ZNF722: variants seen among roughly 807,000 people sequenced by gnomAD.
ZNF722 encodes the protein zinc finger protein 722, also known as zinc finger protein 479 pseudogene.
the ZNF722 span, among the ~76,000 whole-genome samples, chr7:64,004,428 A>ATATATATATATG: frequency 2.6e-3 from 164 of 64,254 alleles, 2 homozygotes; most frequent in Non-Finnish European, 3.8e-3. Flanking sequence ...AAAAAAAAAT[A>ATATATATATATG]TATATATATA....
chr7:64,017,391 CAAAA>C, the ZNF722 span, among the ~76,000 whole-genome samples: 1 of 151,578 alleles, frequency 6.6e-6, no homozygotes, highest in South Asian at 2.1e-4. Flanking sequence ...CTCAAAAAAA[CAAAA>C]AAGGCATTAT....
At chr7:63,998,853 T>C in the ZNF722 span, 19 of 1,284,864 alleles carry the variant, frequency 1.5e-5, no homozygotes, top group Admixed American at 4.0e-4. Context: ...CGGGTCCTTT[T>C]GTGCTTCTCT....
At chr7:63,999,654 G>A in the ZNF722 span, among the ~76,000 whole-genome samples, 1 of 152,086 alleles carries the variant, frequency 6.6e-6, no homozygotes, top group Non-Finnish European at 1.5e-5. Context: ...TGGTTGACTA[G>A]GCCTGAATTT....
the ZNF722 span, among the ~76,000 whole-genome samples, chr7:64,001,862 C>T: frequency 3.3e-3 from 497 of 151,936 alleles, 1 homozygote; most frequent in African/African-American, 0.011. Flanking sequence ...TACATAGAAT[C>T]AACTTCTGGT....
At chr7:64,016,514 A>T in the ZNF722 span, among the ~76,000 whole-genome samples, 3 of 152,224 alleles carry the variant, frequency 2.0e-5, no homozygotes, top group Non-Finnish European at 4.4e-5. Flanking sequence ...TCTAGAGAGA[A>T]ATCCTACAAA....
the ZNF722 span, among the ~76,000 whole-genome samples, chr7:64,000,895 A>G: frequency 1.3e-5 from 2 of 152,028 alleles, no homozygotes; most frequent in African/African-American, 4.8e-5. Flanking sequence ...GTCCTGCTTC[A>G]GTCTCCAGAG....
chr7:64,006,254 C>T, the ZNF722 span: 1 of 1,290,736 alleles, frequency 7.7e-7, no homozygotes, highest in Non-Finnish European at 1.1e-6. Flanking sequence ...GACTTGATTA[C>T]CTGTCTGGAG....
the ZNF722 span, chr7:64,005,601 G>GT: frequency 1.3e-5 from 14 of 1,075,242 alleles, no homozygotes; most frequent in Admixed American, 7.6e-5. Context: ...TTTTGTTTTT[G>GT]TTTTTTTCAG....
At chr7:64,008,835 A>G in the ZNF722 span, among the ~76,000 whole-genome samples, 1 of 152,206 alleles carries the variant, frequency 6.6e-6, no homozygotes, top group South Asian at 2.1e-4. Flanking sequence ...TACCTTGGGC[A>G]GTATGGCCAT....
chr7:64,015,052 A>C, the ZNF722 span: 1 of 1,348,488 alleles, frequency 7.4e-7, no homozygotes, highest in Non-Finnish European at 1.1e-6. Flanking sequence ...TTCACCCAAG[A>C]CCTTCATCCA....
At chr7:64,014,597 A>C in the ZNF722 span, among the ~76,000 whole-genome samples, 1 of 152,090 alleles carries the variant, frequency 6.6e-6, no homozygotes, top group Non-Finnish European at 1.5e-5. Flanking sequence ...AGACTTCTTC[A>C]TATTTCTTAT....
At chr7:64,007,230 G>GTGTA in the ZNF722 span, among the ~76,000 whole-genome samples, 88 of 138,500 alleles carry the variant, frequency 6.4e-4, 1 homozygote, top group Non-Finnish European at 4.4e-4. Context: ...GTTTGTGTGT[G>GTGTA]TATATATATA....
the ZNF722 span, among the ~76,000 whole-genome samples, chr7:64,000,767 G>A: frequency 6.6e-6 from 1 of 150,888 alleles, no homozygotes; most frequent in East Asian, 2.0e-4. Flanking sequence ...TTTCAACTGT[G>A]TCTTTTTTTT....
the ZNF722 span, chr7:64,016,027 C>A: frequency 2.6e-6 from 2 of 772,826 alleles, no homozygotes; most frequent in Non-Finnish European, 3.9e-6. Context: ...AAGTTCCAAA[C>A]CTTAATAGAA....
the ZNF722 span, chr7:64,005,654 G>T: frequency 7.3e-7 from 1 of 1,370,026 alleles, no homozygotes; most frequent in Non-Finnish European, 1.0e-6. Context: ...ATTCTCTCTG[G>T]AGGAGTGGCA....
chr7:63,998,971 A>G, the ZNF722 span: 1 of 1,579,854 alleles, frequency 6.3e-7, no homozygotes, highest in Non-Finnish European at 8.7e-7. Context: ...TATGGCTGAA[A>G]GACCGGGATC....
chr7:64,001,274 CTGT>C, the ZNF722 span, among the ~76,000 whole-genome samples: 4 of 152,200 alleles, frequency 2.6e-5, no homozygotes, highest in Non-Finnish European at 4.4e-5. Flanking sequence ...CAGTGTCTGT[CTGT>C]TGTTCTCTTA....
At chr7:64,015,672 G>T in the ZNF722 span, 8 of 1,613,786 alleles carry the variant, frequency 5.0e-6, no homozygotes, top group Non-Finnish European at 6.8e-6. Flanking sequence ...TGAAGAATGT[G>T]GCAAAGCCTT....
chr7:64,010,755 T>C, the ZNF722 span, among the ~76,000 whole-genome samples: 1 of 152,216 alleles, frequency 6.6e-6, no homozygotes, highest in South Asian at 2.1e-4. Context: ...AGATGTCTAT[T>C]AGGTCTGCTT....
Sources: allele counts gnomAD v4.1 joint callset (sites outside exome capture counted in the v4.1 genomes callset), GRCh38; gene constraint gnomAD v4.1.1; transcripts MANE v1.5; gene names NCBI Gene and HGNC (gene_info 2026-07-23, HGNC 2026-07-21).